Variants in EML4 observed in about 807,000 individuals in gnomAD.
EML4 encodes the protein EMAP like 4, also known as echinoderm microtubule-associated protein-like 4.
Under a neutral mutation model 129.0 loss-of-function variants are expected in EML4, and 72 were observed. The ratio of observed to expected loss-of-function variants is 0.56; its 90% CI spans 0.46 to 0.68. The LOEUF is 0.68. Among genes scored for constraint, EML4 ranks in the 30% least tolerant of loss-of-function variants. The pLI is 0.00. For synonymous variants in EML4, 532 were observed against 405.0 expected, an observed-to-expected ratio of 1.31 and a Z score of -3.77; for missense variants, 1,363 against 1,190.6, an observed-to-expected ratio of 1.14 and a Z score of -2.13.
intron 11 of EML4, among the ~76,000 whole-genome samples, chr2:42,291,398 CTT>C (rs5830720): frequency 2.7e-3 from 335 of 123,090 alleles, no homozygotes; most frequent in Non-Finnish European, 3.3e-3. Flanking sequence ...ATCAAGACAC[CTT>C]TTTTTTTTTT....
intron 20 of EML4, 45 bp downstream of exon 20, chr2:42,325,599 T>TA (rs1669749738): frequency 8.0e-6 from 1 of 124,284 alleles, no homozygotes; most frequent in Non-Finnish European, 1.6e-5. Flanking sequence ...GCTATGATTA[T>TA]ATTTATATAT....
chr2:42,205,774 G>A (rs553295767), intron 1 of EML4, among the ~76,000 whole-genome samples: 1 of 152,086 alleles, frequency 6.6e-6, no homozygotes, highest in African/African-American at 2.4e-5. Context: ...TATTTTCTTT[G>A]GGTTAGAATT....
intron 1 of EML4, 76 bp downstream of exon 1, chr2:42,169,712 T>C: frequency 6.6e-7 from 1 of 1,510,210 alleles, no homozygotes; most frequent in Non-Finnish European, 8.9e-7. Context: ...GCCCAGGCCC[T>C]GCCCTCCCGC....
chr2:42,224,672 A>G (rs1269645383), intron 1 of EML4, among the ~76,000 whole-genome samples: 1 of 152,114 alleles, frequency 6.6e-6, no homozygotes, highest in East Asian at 1.9e-4. Flanking sequence ...CACTAGCAGT[A>G]TATGAGGGTT....
At chr2:42,260,549 T>C (rs6544524) in intron 3 of EML4, among the ~76,000 whole-genome samples, 97,296 of 152,114 alleles carry the variant, frequency 0.64, 31,535 homozygotes, top group East Asian at 0.75. Context: ...GTAGTCTTTC[T>C]AGAACATTAA....
rs368933918 is a variant in EML4, at chr2:42,247,662, GATTTATTTATTT to G, written c.208+1993_208+2004del. ...AGTGTTATATTATGCTTGCTTGCTT[GATTTATTTATTT>G]ATTTATTTATTTATTTAGAGAGTCA... On this transcript the variant is annotated intron_variant, in intron 2 of 22. Coordinates refer to ENST00000318522, the MANE Select transcript of EML4 (RefSeq NM_019063.5). Among the ~76,000 whole-genome samples the G allele has an allele frequency of 3.3e-5, 5 of 151,942 alleles. No individual in the cohort carries two copies. In the South Asian group the frequency reaches 6.2e-4, roughly 19 times the overall value.
intron 1 of EML4, among the ~76,000 whole-genome samples, chr2:42,215,476 T>C (rs1343372315): frequency 6.6e-6 from 1 of 152,208 alleles, no homozygotes; most frequent in African/African-American, 2.4e-5. Flanking sequence ...CAAATTTATT[T>C]CATTTTCTCT....
At chr2:42,274,170 T>G (rs1197480034) in intron 6 of EML4, among the ~76,000 whole-genome samples, 1 of 152,206 alleles carries the variant, frequency 6.6e-6, no homozygotes, top group Non-Finnish European at 1.5e-5. Flanking sequence ...AGTTTCTGTT[T>G]GCAGAAATTA....
intron 1 of EML4, among the ~76,000 whole-genome samples, chr2:42,186,607 A>G (rs1206510093): frequency 6.6e-6 from 1 of 152,188 alleles, no homozygotes; most frequent in Non-Finnish European, 1.5e-5. Flanking sequence ...GTCAGACTTC[A>G]TTGGACTTAT....
At chr2:42,218,408 A>G (rs1673340332) in intron 1 of EML4, among the ~76,000 whole-genome samples, 2 of 152,142 alleles carry the variant, frequency 1.3e-5, no homozygotes, top group Admixed American at 1.3e-4. Flanking sequence ...AAAGTGCATA[A>G]TAAGTGTAAT....
At chr2:42,236,840 T>A (rs959479992) in intron 1 of EML4, among the ~76,000 whole-genome samples, 1 of 152,202 alleles carries the variant, frequency 6.6e-6, no homozygotes, top group Admixed American at 6.5e-5. Flanking sequence ...ACACTTTACG[T>A]TTTTGGCCAG....
At chr2:42,284,783 T>G in intron 9 of EML4, 80 bp downstream of exon 9, 1 of 1,025,990 alleles carries the variant, frequency 9.7e-7, no homozygotes, top group East Asian at 2.7e-5. Flanking sequence ...TAACCACAAC[T>G]CATTTGTTTT....
rs374948214 is a variant in EML4, at chr2:42,250,507, C to A, written c.208+4820C>A. 7.2e-5 allele frequency among the ~76,000 whole-genome samples: 11 copies of A among 152,162 alleles called. No homozygotes were observed. In the East Asian group the frequency reaches 2.1e-3, roughly 29 times the overall value. ...ATTGTGGAAGGGGATGATGGAGTGT[C>A]TGATTATTTTGTGTGTAGAAGTATA... is the stretch of plus-strand genomic sequence containing the variant. On this transcript the variant is annotated intron_variant, in intron 2 of 22. Transcript: ENST00000318522.
intron 1 of EML4, among the ~76,000 whole-genome samples, chr2:42,208,659 T>C (rs1379310393): frequency 6.6e-6 from 1 of 152,038 alleles, no homozygotes; most frequent in Non-Finnish European, 1.5e-5. Context: ...GGTCTTGAAC[T>C]CCTGACCTCA....
intron 1 of EML4, among the ~76,000 whole-genome samples, chr2:42,242,187 T>C (rs1326988049): frequency 1.3e-5 from 2 of 152,176 alleles, no homozygotes; most frequent in African/African-American, 4.8e-5. Context: ...TTCAGCTGCC[T>C]TCCCAGAATA....
At chr2:42,277,727 C>G (rs1035161538) in intron 6 of EML4, among the ~76,000 whole-genome samples, 1 of 152,110 alleles carries the variant, frequency 6.6e-6, no homozygotes, top group Non-Finnish European at 1.5e-5. Context: ...TACCACCACA[C>G]CCAGCTAAAT....
chr2:42,275,705 A>C (rs2104441463), intron 6 of EML4, among the ~76,000 whole-genome samples: 1 of 152,296 alleles, frequency 6.6e-6, no homozygotes, highest in South Asian at 2.1e-4. Flanking sequence ...CTGTATCACA[A>C]AGCTTGTCTT....
chr2:42,169,707 G>C, intron 1 of EML4, 71 bp downstream of exon 1: 1 of 1,532,124 alleles, frequency 6.5e-7, no homozygotes, highest in Non-Finnish European at 8.8e-7. Flanking sequence ...ACACAGCCCA[G>C]GCCCTGCCCT....
intron 11 of EML4, among the ~76,000 whole-genome samples, chr2:42,291,083 G>C (rs1274161354): frequency 6.6e-6 from 1 of 152,146 alleles, no homozygotes; most frequent in East Asian, 1.9e-4. Context: ...TATAGAAACA[G>C]GTTACACAAA....
Sources: allele counts gnomAD v4.1 joint callset (sites outside exome capture counted in the v4.1 genomes callset), GRCh38; gene constraint gnomAD v4.1.1; transcripts MANE v1.5; gene names NCBI Gene and HGNC (gene_info 2026-07-23, HGNC 2026-07-21).